Variants in MAP7 observed in about 807,000 individuals in gnomAD.
The protein encoded by MAP7 is microtubule associated protein 7, also known as ensconsin.
In MAP7, 52 loss-of-function variants were observed where a neutral mutation model predicts 94.8. That is an observed-to-expected ratio of 0.55 (90% CI 0.44 to 0.69). The LOEUF is 0.69. Ranked by LOEUF, MAP7 falls within the 30% of genes least tolerant of loss-of-function variation. The pLI, the probability that MAP7 is intolerant of heterozygous loss-of-function variation, is 0.00. For synonymous variants in MAP7, 350 were observed against 357.0 expected, an observed-to-expected ratio of 0.98 and a Z score of 0.22; for missense variants, 940 against 964.6, an observed-to-expected ratio of 0.97 and a Z score of 0.34.
intron 1 of MAP7, among the ~76,000 whole-genome samples, chr6:136,471,806 C>A (rs1380918416): frequency 6.6e-6 from 1 of 152,142 alleles, no homozygotes; most frequent in Admixed American, 6.5e-5. Context: ...TAATACTTTT[C>A]TACTCTGCCT....
intron 16 of MAP7, 106 bp downstream of exon 16, chr6:136,356,586 G>T (rs1031241012): frequency 1.2e-6 from 1 of 810,602 alleles, no homozygotes; most frequent in Non-Finnish European, 2.0e-6. Context: ...AATCAATGAG[G>T]CCCCCCCCAA....
chr6:136,535,574 T>A (rs1828811316), intron 1 of MAP7, among the ~76,000 whole-genome samples: 1 of 152,178 alleles, frequency 6.6e-6, no homozygotes, highest in African/African-American at 2.4e-5. Flanking sequence ...TGGGTAAGTT[T>A]GAGGCTTGGT....
At chr6:136,431,603 T>A (rs1794937935) in intron 1 of MAP7, among the ~76,000 whole-genome samples, 1 of 152,122 alleles carries the variant, frequency 6.6e-6, no homozygotes, top group Non-Finnish European at 1.5e-5. Flanking sequence ...CTGTAACCTC[T>A]GCCTCCTGGA....
chr6:136,426,458 C>T (rs1562387456), intron 1 of MAP7, among the ~76,000 whole-genome samples: 3 of 152,034 alleles, frequency 2.0e-5, no homozygotes, highest in African/African-American at 4.8e-5. Context: ...AACAATAGAC[C>T]GATTCAATTT....
intron 11 of MAP7, 128 bp downstream of exon 11, chr6:136,362,322 A>G (rs1353550610): frequency 1.2e-5 from 15 of 1,231,518 alleles, no homozygotes; most frequent in Non-Finnish European, 1.5e-5. Context: ...AAAATTAGGT[A>G]AGAGTAATCC....
intron 1 of MAP7, among the ~76,000 whole-genome samples, chr6:136,453,432 T>A (rs924943397): frequency 6.6e-6 from 1 of 152,260 alleles, no homozygotes; most frequent in Admixed American, 6.5e-5. Context: ...CCAGTGGTAA[T>A]TAGCTAACAG....
intron 1 of MAP7, among the ~76,000 whole-genome samples, chr6:136,541,999 C>G (rs1829362097): frequency 6.6e-6 from 1 of 152,166 alleles, no homozygotes; most frequent in African/African-American, 2.4e-5. Context: ...GCAGAGGTTA[C>G]CGTGAGCCAA....
intron 17 of MAP7, among the ~76,000 whole-genome samples, chr6:136,344,630 C>G (rs1436185711): frequency 1.3e-5 from 2 of 152,206 alleles, no homozygotes; most frequent in African/African-American, 4.8e-5. Context: ...TCCTGTAAAT[C>G]TGTAACATGA....
At chr6:136,525,816 T>C (rs1052806437) in intron 1 of MAP7, 1 of 1,531,142 alleles carries the variant, frequency 6.5e-7, no homozygotes, top group South Asian at 1.2e-5. Flanking sequence ...GACCAAAGGG[T>C]GGAGCTAATG....
chr6:136,362,582 G>A lies in MAP7; in HGVS notation c.1394C>T (p.Ala465Val), dbSNP rs758308047. 2.5e-6 allele frequency: 4 copies of A among 1,614,152 alleles called. No individual in the cohort carries two copies. The Admixed American group carries it at 6.7e-5, about 27-fold the overall frequency. ...GGTGCCTGCAGAAGTCTTAACAGAA[G>A]CACTGGCATTCACAGTGGATGACGG... Reference protein sequence around the residue: ...SAPSSTVNASASVKTSAGTTD... With the variant: ...SAPSSTVNASVSVKTSAGTTD... Residue 465 changes from alanine (A) to valine (V), a missense_variant, in exon 11 of 18, where the codon GCT (alanine) becomes GTT (valine). Physicochemically the swap from Ala to Val is moderately conservative, Grantham distance 64 (BLOSUM62 0). Coordinates refer to ENST00000354570, the MANE Select transcript of MAP7 (RefSeq NM_003980.6).
At chr6:136,379,316 G>A (rs546095879) in intron 6 of MAP7, among the ~76,000 whole-genome samples, 1 of 152,004 alleles carries the variant, frequency 6.6e-6, no homozygotes, top group African/African-American at 2.4e-5. Context: ...ATTTTGATCA[G>A]GCTCTGGTGA....
chr6:136,397,974 G>A (rs553704309), intron 3 of MAP7, among the ~76,000 whole-genome samples: 1 of 152,230 alleles, frequency 6.6e-6, no homozygotes, highest in East Asian at 1.9e-4. Flanking sequence ...AAAATGAAGT[G>A]AAAATCCACT....
At chr6:136,514,982 TG>T (rs1824395913) in intron 1 of MAP7, among the ~76,000 whole-genome samples, 1 of 152,274 alleles carries the variant, frequency 6.6e-6, no homozygotes, top group Non-Finnish European at 1.5e-5. Flanking sequence ...ACGTCCTAGA[TG>T]GCATCTTCTT....
intron 1 of MAP7, among the ~76,000 whole-genome samples, chr6:136,495,071 C>A (rs1040019950): frequency 2.6e-5 from 4 of 152,154 alleles, no homozygotes; most frequent in Admixed American, 6.5e-5. Context: ...TCTACTTGGC[C>A]TCTGGAATTG....
chr6:136,516,765 A>G (rs1324485668), intron 1 of MAP7, among the ~76,000 whole-genome samples: 1 of 152,224 alleles, frequency 6.6e-6, no homozygotes, highest in African/African-American at 2.4e-5. Flanking sequence ...CAAACTTAGA[A>G]TAAGAAGTCT....
At chr6:136,511,165 A>AG (rs1823169762) in intron 1 of MAP7, among the ~76,000 whole-genome samples, 1 of 152,144 alleles carries the variant, frequency 6.6e-6, no homozygotes, top group African/African-American at 2.4e-5. Flanking sequence ...TGTTGATATA[A>AG]GAGGTCAGTT....
chr6:136,460,569 C>G (rs564283904), intron 1 of MAP7, among the ~76,000 whole-genome samples: 1 of 152,116 alleles, frequency 6.6e-6, no homozygotes. Context: ...AGGAAACAAG[C>G]CTGCCCTGTA....
intron 3 of MAP7, among the ~76,000 whole-genome samples, chr6:136,402,545 G>C (rs1442120292): frequency 1.3e-5 from 2 of 152,188 alleles, no homozygotes; most frequent in African/African-American, 2.4e-5. Flanking sequence ...TGAGGTGCTA[G>C]AATAGTAGTT....
chr6:136,418,917 A>G (rs1790373346), intron 2 of MAP7, among the ~76,000 whole-genome samples: 1 of 152,344 alleles, frequency 6.6e-6, no homozygotes, highest in South Asian at 2.1e-4. Flanking sequence ...GGTGGTTACT[A>G]AATCAAGAGC....
Sources: allele counts gnomAD v4.1 joint callset (sites outside exome capture counted in the v4.1 genomes callset), GRCh38; gene constraint gnomAD v4.1.1; transcripts MANE v1.5; gene names NCBI Gene and HGNC (gene_info 2026-07-23, HGNC 2026-07-21).